The following PPP1R9B variants were observed in gnomAD, a reference collection of about 807,000 sequenced individuals.
PPP1R9B encodes neurabin-2.
Under a neutral mutation model 75.8 loss-of-function variants are expected in PPP1R9B, and 17 were observed. The observed-to-expected ratio is 0.22, with a 90% confidence interval of 0.15 to 0.34. PPP1R9B has a LOEUF of 0.34. PPP1R9B is among the 10% of genes least tolerant of loss of function. PPP1R9B has a pLI of 1.00. For synonymous variants in PPP1R9B, 509 were observed against 535.4 expected (o/e 0.95, Z 0.68); for missense variants, 875 against 1,196.0 (o/e 0.73, Z 3.96).
Position 50,149,782 on chromosome 17 carries a change from G to A in PPP1R9B, c.732C>T (p.Val244=). ...GCTGGAACACCCGGGACCGCTTGCTGACCAGCTTCGAGTTGACCTGGGGAA... is the reference window on the plus strand; with the variant it reads ...GCTGGAACACCCGGGACCGCTTGCTAACCAGCTTCGAGTTGACCTGGGGAA... ...AGVPQVNSKL[V]SKRSRVFQPP... The change falls in exon 1 of 10, where the codon GTC becomes GTT. Residue 244 remains valine, a synonymous_variant. Coordinates refer to ENST00000612501, the MANE Select transcript of PPP1R9B (RefSeq NM_032595.5). This position sits in a 1 kb window ranked among gnomAD's most constrained non-coding sequence, Gnocchi z 7.2. 7.1e-7 allele frequency: 1 copy of A among 1,411,054 alleles called. No homozygotes were observed. The highest frequency in any genetic ancestry group is 9.2e-7 in the Non-Finnish European group (1 of 1,090,572). 87.4% of individuals were successfully genotyped at this position (1,411,054 alleles called of 1,614,324 possible).
At chr17:50,141,469 G>C (rs1402083670) in intron 3 of PPP1R9B, 96 bp from the exon 4 acceptor site, 7 of 729,860 alleles carry the variant, frequency 9.6e-6, no homozygotes, top group Admixed American at 2.8e-5. Flanking sequence ...TCCCCAGCCT[G>C]AGTACATAGT....
rs1912670992 is a variant in PPP1R9B at position 50,150,571 on chromosome 17, G to T, written c.-58C>A. The T allele has an allele frequency of 9.5e-6, 12 of 1,256,982 alleles. No homozygotes were observed. The highest frequency in any genetic ancestry group is 1.1e-5 in the Non-Finnish European group (11 of 1,001,124). The allele number at this position is 1,256,982 out of a possible 1,614,324, so 77.9% of individuals were successfully genotyped here. A position where few individuals can be genotyped will look rare whatever the true frequency, so the allele number is the denominator to read the frequency against. On this transcript the variant is annotated 5_prime_UTR_variant, in exon 1 of 10. Transcript: ENST00000612501. This position sits in a 1 kb window ranked among gnomAD's most constrained non-coding sequence, Gnocchi z 8.7. ...CCCCGCTCCCCCGCTTCAACAGGCG[G>T]CTGGCCAAGTCGGGACCACCGCCCC...
intron 2 of PPP1R9B, among the ~76,000 whole-genome samples, chr17:50,144,721 C>T (rs1336740902): frequency 6.6e-6 from 1 of 152,194 alleles, no homozygotes; most frequent in Non-Finnish European, 1.5e-5. Context: ...CCTTCCCCAG[C>T]CCCTATTCCA....
Position 50,139,231 on chromosome 17 carries a change from G to A in PPP1R9B, c.2073+32C>T, listed in dbSNP as rs1459602335. The stretch of plus-strand genomic sequence containing the variant: ...CCTGCTCCTCAACACACACATGCAC[G>A]CACGCAAAAGCACACACATACGCAC... On this transcript the variant is annotated intron_variant, in intron 7 of 9. Coordinates refer to ENST00000612501, the MANE Select transcript of PPP1R9B (RefSeq NM_032595.5). This position sits in a 1 kb window ranked among gnomAD's most constrained non-coding sequence, Gnocchi z 5.0. The A allele has an allele frequency of 3.1e-6, 5 of 1,613,214 alleles. No homozygotes were observed. The highest frequency in any genetic ancestry group is 1.3e-5 in the African/African-American group (1 of 74,938).
At chr17:50,143,466 T>A (rs1431148908) in intron 3 of PPP1R9B, 132 bp downstream of exon 3, 3 of 1,165,174 alleles carry the variant, frequency 2.6e-6, no homozygotes, top group African/African-American at 3.0e-5. Flanking sequence ...TCCCCGAACA[T>A]CTCAGCTGCA....
In PPP1R9B at chr17:50,149,460, G is replaced by C; in HGVS notation, c.1054C>G (p.Pro352Ala). The C allele has an allele frequency of 1.9e-6, 3 of 1,605,184 alleles. No individual in the cohort carries two copies. Among genetic ancestry groups the C allele is most frequent in the Non-Finnish European group, 2.5e-6 (3 of 1,176,626 alleles). Residue 352 changes from proline (P) to alanine (A), a missense_variant, in exon 1 of 10, where the codon CCG (proline) becomes GCG (alanine). Transcript: ENST00000612501. This position sits in a 1 kb window ranked among gnomAD's most constrained non-coding sequence, Gnocchi z 7.2. ...APEEPKAQAA[P>A]EKEAAAVAPP... is the part of the protein sequence containing the mutation. ...GCTACCGCCGCCGCCTCCTTCTCCGGGGCCGCTTGGGCCTTTGGCTCCTCG... is the reference window on the plus strand; with the variant it reads ...GCTACCGCCGCCGCCTCCTTCTCCGCGGCCGCTTGGGCCTTTGGCTCCTCG...
chr17:50,145,038 C>CAGG (rs1433836626), intron 2 of PPP1R9B, 75 bp downstream of exon 2: 1 of 1,549,080 alleles, frequency 6.5e-7, no homozygotes, highest in East Asian at 2.3e-5. Flanking sequence ...GGGCACAGGG[C>CAGG]AGGAGCTGGT....
At chr17:50,147,244 G>A (rs2144455616) in intron 1 of PPP1R9B, among the ~76,000 whole-genome samples, 1 of 152,298 alleles carries the variant, frequency 6.6e-6, no homozygotes, top group Middle Eastern at 3.4e-3. Flanking sequence ...TCTAGCAGAG[G>A]GCCCTAGGGG....
chr17:50,137,945 T>C lies in PPP1R9B; in HGVS notation c.2073+1318A>G, dbSNP rs1179122720. Among the ~76,000 whole-genome samples the C allele has an allele frequency of 5.9e-5, 9 of 152,230 alleles. No individual in the cohort carries two copies. The East Asian group carries it at 1.7e-3, about 29-fold the overall frequency. On this transcript the variant is annotated intron_variant, in intron 7 of 9. Transcript: ENST00000612501. ...TGGCCTCCTCTCCTGCATACCCCCA[T>C]GTGGGAGGGTACACACACTCCCATG...
At chr17:50,147,975 G>C (rs942019192) in intron 1 of PPP1R9B, among the ~76,000 whole-genome samples, 1 of 152,196 alleles carries the variant, frequency 6.6e-6, no homozygotes, top group Non-Finnish European at 1.5e-5. Flanking sequence ...GTAAAGGCAG[G>C]GCAGGGTCCA....
In PPP1R9B at chr17:50,141,290, C is replaced by G. The variant is rs749764019; in HGVS notation, c.1709G>C (p.Arg570Pro). 6.3e-7 allele frequency: 1 copy of G among 1,586,456 alleles called. No homozygotes were observed. The highest frequency in any genetic ancestry group is 8.6e-7 in the Non-Finnish European group (1 of 1,167,372). ...TCACCGCACTCGGCCCTTGGTGTTC[C>G]GGAGCACAGACGCCGCGAAGCTCTG... The part of the protein sequence containing the change: ...VTQSFAASVL[R>P]NTKGRVRFMI... Residue 570 changes from arginine (R) to proline (P), a missense_variant, in exon 4 of 10, where the codon CGG becomes CCG. By Grantham distance (103) the Arg-to-Pro change is moderately radical. Transcript: ENST00000612501.
rs1161033414 is a variant in PPP1R9B at position 50,149,525 on chromosome 17, T to G, written c.989A>C (p.Glu330Ala). 1 of 1,592,928 alleles carries G rather than the reference T, an allele frequency of 6.3e-7. No individual in the cohort carries two copies. The highest frequency in any genetic ancestry group is 1.4e-5 in the African/African-American group (1 of 74,054). Residue 330 changes from glutamate (E) to alanine (A), a missense_variant, in exon 1 of 10, where the codon GAG becomes GCG. Coordinates refer to ENST00000612501, the MANE Select transcript of PPP1R9B (RefSeq NM_032595.5). The surrounding 1 kb of genome is among the most constrained non-coding windows in gnomAD (Gnocchi z 7.2). Reference protein sequence around the residue: ...QAEVTVHAALENGSTVATAAS... With the variant: ...QAEVTVHAALANGSTVATAAS... ...TGCAGTTGCCACGGTGCTGCCATTC[T>G]CCAGGGCCGCGTGGACCGTAACCTC... is the stretch of plus-strand genomic sequence containing the variant.
chr17:50,149,950 G>C lies in PPP1R9B; in HGVS notation c.564C>G (p.Arg188=). ...LQDRKLDVVV[R]FNGSTEALDK... The stretch of plus-strand genomic sequence containing the variant: ...CCAGCGCCTCGGTGCTGCCGTTGAA[G>C]CGCACCACGACGTCCAGCTTCCGGT... The change falls in exon 1 of 10, where the codon CGC becomes CGG. Residue 188 remains arginine, a synonymous_variant. Coordinates refer to ENST00000612501, the MANE Select transcript of PPP1R9B (RefSeq NM_032595.5). This position sits in a 1 kb window ranked among gnomAD's most constrained non-coding sequence, Gnocchi z 7.2. The C allele has an allele frequency of 1.3e-6, 2 of 1,515,694 alleles. No individual in the cohort carries two copies. The highest frequency in any genetic ancestry group is 1.8e-6 in the Non-Finnish European group (2 of 1,139,832). The allele number at this position is 1,515,694 out of a possible 1,614,324, so 93.9% of individuals were successfully genotyped here. A position where few individuals can be genotyped will look rare whatever the true frequency, so the allele number is the denominator to read the frequency against.
chr17:50,139,680 TA>T lies in PPP1R9B; in HGVS notation c.1867-100del. 1 of 1,359,636 alleles carries T rather than the reference TA, an allele frequency of 7.4e-7. No homozygotes were observed. The highest frequency in any genetic ancestry group is 1.0e-6 in the Non-Finnish European group (1 of 1,004,792). The allele number at this position is 1,359,636 out of a possible 1,614,324, so 84.2% of individuals were successfully genotyped here. ...CAGTTGCCCATGCCAGACAGAGAGC[TA>T]CCCAGGAATGTGGTTCATGCCTCCC... is the stretch of plus-strand genomic sequence containing the variant. On this transcript the variant is annotated intron_variant, in intron 5 of 9. Coordinates refer to ENST00000612501, the MANE Select transcript of PPP1R9B (RefSeq NM_032595.5). The surrounding 1 kb of genome is among the most constrained non-coding windows in gnomAD (Gnocchi z 5.0).
chr17:50,135,226 G>T lies in PPP1R9B; in HGVS notation c.*105C>A. 1 of 887,158 alleles carries T rather than the reference G, an allele frequency of 1.1e-6. No homozygotes were observed. The highest frequency in any genetic ancestry group is 1.8e-6 in the Non-Finnish European group (1 of 566,750). The allele number at this position is 887,158 out of a possible 1,614,324, so 55.0% of individuals were successfully genotyped here. On this transcript the variant is annotated 3_prime_UTR_variant, in exon 10 of 10. Coordinates refer to ENST00000612501, the MANE Select transcript of PPP1R9B (RefSeq NM_032595.5). ...GGGTGGAGGGGTGGGGGGAGTCGGG[G>T]CACCTGTCCCCAGGCTGGAAGGGGG... is the stretch of plus-strand genomic sequence containing the variant.
At chr17:50,137,555 C>T (rs886778834) in intron 7 of PPP1R9B, 1 of 152,714 alleles carries the variant, frequency 6.5e-6, no homozygotes, top group African/African-American at 2.4e-5. Flanking sequence ...TCCAGACCCT[C>T]TGCCTATACT....
chr17:50,143,523 T>C, intron 3 of PPP1R9B, 75 bp downstream of exon 3: 2 of 1,322,960 alleles, frequency 1.5e-6, no homozygotes, highest in Non-Finnish European at 2.1e-6. Flanking sequence ...CACCCCCTGC[T>C]CAGTGGCCCA....
At chr17:50,141,104 G>A (rs566110489) in intron 4 of PPP1R9B, among the ~76,000 whole-genome samples, 165 bp downstream of exon 4, 23 of 152,232 alleles carry the variant, frequency 1.5e-4, no homozygotes, top group African/African-American at 5.5e-4. Flanking sequence ...GAAGGCAGGT[G>A]TGAGGCGAGG....
Position 50,145,209 on chromosome 17 carries a change from G to C in PPP1R9B, c.1408C>G (p.Arg470Gly). 6.2e-7 allele frequency: 1 copy of C among 1,613,940 alleles called. No homozygotes were observed. Among genetic ancestry groups the C allele is most frequent in the Non-Finnish European group, 8.5e-7 (1 of 1,179,892 alleles). Residue 470 changes from arginine (R) to glycine (G), a missense_variant, in exon 2 of 10, where the codon CGC (arginine) becomes GGC (glycine). By Grantham distance (125) the Arg-to-Gly change is moderately radical. This residue lies in a region of PPP1R9B where 63 missense variants were observed against 160.2 expected (regional missense o/e 0.39). Transcript: ENST00000612501. ...STYSNEDYDR[R>G]NEDVDPMAAS... ...GCCATGGGATCCACATCCTCGTTGC[G>C]ACGATCGTAATCCTCGTTGGAGTAA...
Sources: gnomAD v4.1 joint callset for allele counts (sites outside exome capture counted in the v4.1 genomes callset) on GRCh38, gnomAD v4.1.1 for gene constraint, gnomAD v4.1.1 regional missense constraint, Gnocchi (gnomAD v3.1) non-coding constraint, MANE v1.5 for transcripts, NCBI Gene and HGNC (gene_info 2026-07-23, HGNC 2026-07-21) for gene names.